Variants in MSH5 observed in about 807,000 individuals in gnomAD.
MSH5 encodes mutS protein homolog 5.
A neutral mutation model predicts 107.7 loss-of-function variants in MSH5; 78 were observed. The observed-to-expected ratio is 0.72, with a 90% CI of 0.60 to 0.87. MSH5 has a LOEUF of 0.87. MSH5 is among the 40% of genes least tolerant of loss of function. The pLI, the probability that MSH5 is intolerant of heterozygous loss-of-function variation, is 0.00. For missense variants in MSH5, 889 were observed against 1,046.6 expected (o/e 0.85, Z 2.08); for synonymous variants, 326 against 399.5 (o/e 0.82, Z 2.19).
Position 31,747,524 on chromosome 6 carries a change from C to T in MSH5, c.812+92C>T, listed in dbSNP as rs548692357. 8 of 1,295,376 alleles carry T rather than the reference C, an allele frequency of 6.2e-6. No individual in the cohort carries two copies. In the African/African-American group the frequency reaches 1.2e-4, roughly 19 times the overall value. The allele number at this position is 1,295,376 out of a possible 1,614,324, so 80.2% of individuals were successfully genotyped here. The stretch of plus-strand genomic sequence containing the variant: ...CTACTAATGGCAGTATACAGATTCT[C>T]ACATACACCACCCCACCTAGTAGTA... On this transcript the variant is annotated intron_variant, in intron 10 of 24. Transcript: ENST00000375750.
intron 10 of MSH5, among the ~76,000 whole-genome samples, chr6:31,752,512 G>A (rs1263838845): frequency 6.6e-6 from 1 of 152,150 alleles, no homozygotes; most frequent in Non-Finnish European, 1.5e-5. Flanking sequence ...ACGAGGTCAA[G>A]AGATCGAGAT....
chr6:31,748,541 G>A (rs1258914452), intron 10 of MSH5, among the ~76,000 whole-genome samples: 1 of 151,446 alleles, frequency 6.6e-6, no homozygotes, highest in East Asian at 1.9e-4. Context: ...TAGAGGCGGG[G>A]TTTCACCATG....
chr6:31,756,190 T>A (rs1388958968), intron 12 of MSH5, among the ~76,000 whole-genome samples: 2 of 152,230 alleles, frequency 1.3e-5, no homozygotes. Flanking sequence ...TTATTTAGTT[T>A]GAGGTGAGTC....
In MSH5 at chr6:31,755,785, G is replaced by A. The variant is rs561286214; in HGVS notation, c.1014+2156G>A. ...TGCTGAGACTATTGGTGTGAGCCAC[G>A]ATGCCCAGTCAGATGATGGCCCTAG... On this transcript the variant is annotated intron_variant, in intron 12 of 24. Transcript: ENST00000375750. Among the ~76,000 whole-genome samples the A allele has an allele frequency of 1.7e-3, 261 of 152,200 alleles. 1 individual carries two copies. The highest frequency in any genetic ancestry group is 5.7e-3 in the African/African-American group (238 of 41,518).
chr6:31,743,492 C>G, intron 5 of MSH5: 1 of 486,508 alleles, frequency 2.1e-6, no homozygotes, highest in Admixed American at 3.8e-5. Flanking sequence ...CCAAAAGGCA[C>G]TGCCTCAGTG....
chr6:31,753,215 AG>A, intron 10 of MSH5, 85 bp from the exon 11 acceptor site: 1 of 1,496,512 alleles, frequency 6.7e-7, no homozygotes, highest in Non-Finnish European at 9.1e-7. Context: ...CACAATCCCC[AG>A]GGACTGCAAG....
chr6:31,746,088 G>GTGTGTGTGTA (rs1809430472), intron 9 of MSH5: 1 of 148,544 alleles, frequency 6.7e-6, no homozygotes, highest in African/African-American at 2.6e-5. Flanking sequence ...TTTTGTGTGT[G>GTGTGTGTGTA]TGTGTGTGTG....
At chr6:31,748,867 A>G (rs897136870) in intron 10 of MSH5, among the ~76,000 whole-genome samples, 4 of 151,088 alleles carry the variant, frequency 2.6e-5, no homozygotes, top group African/African-American at 4.9e-5. Flanking sequence ...GCCACTTGCC[A>G]TTATGGAAAC....
rs3115672 is a variant in MSH5, at chr6:31,760,120, C to T, written c.1716C>T (p.Thr572=). 162,964 of 1,607,220 alleles carry T rather than the reference C, an allele frequency of 0.1. 10,302 individuals are homozygous for T. Among genetic ancestry groups the T allele is most frequent in the Non-Finnish European group, 0.12 (144,300 of 1,176,598 alleles). Residue 572 remains threonine (T), a synonymous_variant, in exon 19 of 25, where the codon ACC becomes ACT. Transcript: ENST00000375750. This position sits in a 1 kb window ranked among gnomAD's most constrained non-coding sequence, Gnocchi z 5.6. ...RHPLMELCAR[T]FVPNSTECGG... ...CTCTGATGGAACTCTGTGCCCGAAC[C>T]TTTGTGCCCAACTCCACAGAATGTG...
In MSH5 at chr6:31,759,952, T is replaced by C. The variant is rs905654872; in HGVS notation, c.1662T>C (p.Leu554=). The change falls in exon 18 of 25, where the codon CTT becomes CTC. Residue 554 remains leucine (L), a synonymous_variant. Transcript: ENST00000375750. The surrounding 1 kb of genome is among the most constrained non-coding windows in gnomAD (Gnocchi z 4.7). ...GGCCGCGTTACTCCCCACAAGTCCT[T>C]GGGGTACGAATCCAGAATGGCAGGT... ...YSRPRYSPQV[L]GVRIQNGRHP... 2.5e-6 allele frequency: 4 copies of C among 1,614,014 alleles called. No individual in the cohort carries two copies. Among genetic ancestry groups the C allele is most frequent in the African/African-American group, 1.3e-5 (1 of 74,896 alleles).
rs777668732 is a variant in MSH5 at position 31,760,840 on chromosome 6, G to A, written c.1962+1G>A. 13 of 1,612,114 alleles carry A rather than the reference G, an allele frequency of 8.1e-6. No individual in the cohort carries two copies. The highest frequency in any genetic ancestry group is 1.7e-5 in the Admixed American group (1 of 59,894). ...CACCTTCATGATCGACCTCAACCAGGTCAAAGGGAACAAAGGGAGGTGGGA... is the reference window on the plus strand; with the variant it reads ...CACCTTCATGATCGACCTCAACCAGATCAAAGGGAACAAAGGGAGGTGGGA... On this transcript the variant is annotated splice_donor_variant, in intron 20 of 24. Transcript: ENST00000375750. LOFTEE classifies it high-confidence loss of function. The surrounding 1 kb of genome is among the most constrained non-coding windows in gnomAD (Gnocchi z 5.6).
intron 9 of MSH5, among the ~76,000 whole-genome samples, chr6:31,746,532 G>C (rs1809482395): frequency 6.6e-6 from 1 of 151,858 alleles, no homozygotes; most frequent in Non-Finnish European, 1.5e-5. Context: ...TCCGCCTCTT[G>C]GGTTCAAGTG....
At position 31,761,160 on chromosome 6, in the gene MSH5, T is replaced by A; in HGVS notation, c.1963-28T>A. On this transcript the variant is annotated intron_variant, in intron 20 of 24. Coordinates refer to ENST00000375750, the MANE Select transcript of MSH5 (RefSeq NM_172166.4). This position sits in a 1 kb window ranked among gnomAD's most constrained non-coding sequence, Gnocchi z 5.3. ...TGCGTTACGGGCTTCCAATACTAAC[T>A]TTCCCTTGTCCACCTTATACCCAGC... 2.5e-6 allele frequency: 4 copies of A among 1,609,996 alleles called. No homozygotes were observed. Among genetic ancestry groups the A allele is most frequent in the Non-Finnish European group, 3.4e-6 (4 of 1,177,868 alleles).
At chr6:31,746,435 T>G (rs1032802941) in intron 9 of MSH5, 2 of 150,320 alleles carry the variant, frequency 1.3e-5, no homozygotes, top group Non-Finnish European at 3.0e-5. Context: ...CTCTTGAGTT[T>G]TTTGTTTGTT....
Position 31,758,399 on chromosome 6 carries a change from T to C in MSH5, c.1143+106T>C. 1.3e-6 allele frequency: 2 copies of C among 1,566,902 alleles called. No homozygotes were observed. Among genetic ancestry groups the C allele is most frequent in the Non-Finnish European group, 1.7e-6 (2 of 1,145,680 alleles). On this transcript the variant is annotated intron_variant, in intron 13 of 24. Transcript: ENST00000375750. This position sits in a 1 kb window ranked among gnomAD's most constrained non-coding sequence, Gnocchi z 5.1. ...ATATTGAGGTCAATTGGATAAAGAA[T>C]GGGATGGTGGGAGGAGGCAGCAGAA...
intron 5 of MSH5, 99 bp from the exon 6 acceptor site, chr6:31,743,805 A>C: frequency 6.6e-7 from 1 of 1,518,324 alleles, no homozygotes. Flanking sequence ...GAGCTTGGGC[A>C]AGTCAAATAA....
In MSH5 at chr6:31,749,768, C is replaced by CT. The variant is rs200024408; in HGVS notation, c.812+2337dup. ...GTAGCTATACCTGTTACCTCAGTGT[C>CT]TGACACATGGTCTTGTACATAGTAG... On this transcript the variant is annotated intron_variant, in intron 10 of 24. Coordinates refer to ENST00000375750, the MANE Select transcript of MSH5 (RefSeq NM_172166.4). Among the ~76,000 whole-genome samples, 653 of 152,296 alleles carry CT rather than the reference C, an allele frequency of 4.3e-3. 5 individuals carry two copies. Among genetic ancestry groups the CT allele is most frequent in the African/African-American group, 0.015 (619 of 41,552 alleles).
At chr6:31,749,284 G>C (rs1241013099) in intron 10 of MSH5, among the ~76,000 whole-genome samples, 1 of 152,014 alleles carries the variant, frequency 6.6e-6, no homozygotes, top group East Asian at 1.9e-4. Flanking sequence ...GCTCACGCCT[G>C]TAGTCTCAGC....
In MSH5 at chr6:31,759,721, G is replaced by A. The variant is rs1490842968; in HGVS notation, c.1496-65G>A. On this transcript the variant is annotated intron_variant, in intron 17 of 24. Transcript: ENST00000375750. This position sits in a 1 kb window ranked among gnomAD's most constrained non-coding sequence, Gnocchi z 4.7. ...AACCTGTTTCCAGATCCCCCTAGGG[G>A]CCTCTGCCTCTCCTTCACTTTCCCC... 3 of 1,562,388 alleles carry A rather than the reference G, an allele frequency of 1.9e-6. No homozygotes were observed. Among genetic ancestry groups the A allele is most frequent in the African/African-American group, 1.4e-5 (1 of 73,858 alleles).
Sources: allele counts gnomAD v4.1 joint callset (sites outside exome capture counted in the v4.1 genomes callset), GRCh38; gene constraint gnomAD v4.1.1; non-coding constraint Gnocchi (gnomAD v3.1); transcripts MANE v1.5; gene names NCBI Gene and HGNC (gene_info 2026-07-23, HGNC 2026-07-21).